Variants in ABCD3 observed in about 807,000 individuals in gnomAD.
ABCD3 encodes the protein ATP binding cassette subfamily D member 3.
ABCD3 carries 41 observed loss-of-function variants against 105.5 expected under a neutral mutation model. The ratio of observed to expected loss-of-function variants is 0.39; its 90% CI spans 0.30 to 0.50. ABCD3 has a LOEUF of 0.50. ABCD3 is among the 20% of genes least tolerant of loss of function. The pLI is 0.84. For missense variants in ABCD3, 622 were observed against 806.3 expected, an observed-to-expected ratio of 0.77 and a Z score of 2.77; for synonymous variants, 258 against 269.0, an observed-to-expected ratio of 0.96 and a Z score of 0.40.
chr1:94,423,749 T>C (rs993708944), intron 1 of ABCD3, among the ~76,000 whole-genome samples: 1 of 152,200 alleles, frequency 6.6e-6, no homozygotes, highest in African/African-American at 2.4e-5. Context: ...CTCAGCCCTG[T>C]TGCCTGCTGC....
intron 8 of ABCD3, chr1:94,478,561 A>C: frequency 6.3e-7 from 1 of 1,596,966 alleles, no homozygotes; most frequent in Non-Finnish European, 8.6e-7. Context: ...AAACCAGACA[A>C]ATGTATTGGC....
intron 1 of ABCD3, among the ~76,000 whole-genome samples, chr1:94,448,915 T>C (rs903231857): frequency 1.3e-5 from 2 of 152,220 alleles, no homozygotes; most frequent in Non-Finnish European, 2.9e-5. Flanking sequence ...ACACCCCATA[T>C]GCAATTGAAT....
At chr1:94,391,722 A>G in the ABCD3 span, among the ~76,000 whole-genome samples, 7 of 152,300 alleles carry the variant, frequency 4.6e-5, no homozygotes, top group East Asian at 1.4e-3. Context: ...CACATAATAC[A>G]TTCATTCTAA....
chr1:94,441,738 T>G (rs1345446653), intron 1 of ABCD3, among the ~76,000 whole-genome samples: 1 of 152,150 alleles, frequency 6.6e-6, no homozygotes, highest in Non-Finnish European at 1.5e-5. Flanking sequence ...TACAAAAGAC[T>G]AGATATGCTA....
Position 94,418,444 on chromosome 1 carries a change from CGT to C in ABCD3, c.-34_-33del. ...GTAGCCGCCGCCGCCGCCGCCGCCG[CGT>C]CCCCTCGCCGGCTCGCTGGTACCGG... On this transcript the variant is annotated 5_prime_UTR_variant, in exon 1 of 23. Coordinates refer to ENST00000370214, the MANE Select transcript of ABCD3 (RefSeq NM_002858.4). 5 of 1,553,790 alleles carry C rather than the reference CGT, an allele frequency of 3.2e-6. No individual in the cohort carries two copies. Among genetic ancestry groups the C allele is most frequent in the South Asian group, 1.1e-5 (1 of 87,044 alleles).
At chr1:94,460,753 T>C (rs371601770) in intron 2 of ABCD3, among the ~76,000 whole-genome samples, 37 of 152,214 alleles carry the variant, frequency 2.4e-4, no homozygotes, top group African/African-American at 8.9e-4. Flanking sequence ...TCAAGATTGT[T>C]GTTCTTTAGT....
intron 1 of ABCD3, among the ~76,000 whole-genome samples, chr1:94,449,749 A>ATC (rs138475481): frequency 0.22 from 33,415 of 152,160 alleles, 4,751 homozygotes; most frequent in Middle Eastern, 0.41. Flanking sequence ...CTTGAATTGC[A>ATC]TCTCTCAGTC....
chr1:94,402,966 A>G, the ABCD3 span, among the ~76,000 whole-genome samples: 8 of 76,424 alleles, frequency 1.0e-4, no homozygotes, highest in Non-Finnish European at 1.7e-4. Context: ...CCCCCACCCC[A>G]CAACAGTCCC....
the ABCD3 span, among the ~76,000 whole-genome samples, chr1:94,400,424 A>G: frequency 2.0e-5 from 3 of 152,190 alleles, no homozygotes; most frequent in African/African-American, 7.2e-5. Flanking sequence ...AAAAGAAAGA[A>G]AAAGGAAAGT....
intron 22 of ABCD3, among the ~76,000 whole-genome samples, chr1:94,516,276 A>G (rs1183047452): frequency 2.0e-5 from 3 of 151,960 alleles, no homozygotes; most frequent in African/African-American, 7.2e-5. Context: ...GGTAGCCTAT[A>G]TGAAAGTACT....
At chr1:94,448,105 T>G (rs1660427061) in intron 1 of ABCD3, among the ~76,000 whole-genome samples, 1 of 152,190 alleles carries the variant, frequency 6.6e-6, no homozygotes, top group Admixed American at 6.5e-5. Context: ...CTACTGGTGT[T>G]ATTGTCCACA....
intron 1 of ABCD3, among the ~76,000 whole-genome samples, chr1:94,451,709 T>A (rs1647267377): frequency 6.6e-6 from 1 of 152,222 alleles, no homozygotes; most frequent in African/African-American, 2.4e-5. Flanking sequence ...ATGTTTATAG[T>A]GAATCCAATT....
chr1:94,391,508 A>G, the ABCD3 span, among the ~76,000 whole-genome samples: 35 of 152,272 alleles, frequency 2.3e-4, no homozygotes, highest in African/African-American at 8.2e-4. Context: ...GACCTCTTCC[A>G]TTCCAGGTCC....
chr1:94,513,088 A>T (rs929322337), intron 21 of ABCD3, among the ~76,000 whole-genome samples: 3 of 152,058 alleles, frequency 2.0e-5, no homozygotes, highest in Non-Finnish European at 4.4e-5. Flanking sequence ...CACTGGCGTG[A>T]TGATGAAAGA....
At chr1:94,408,259 C>G in the ABCD3 span, among the ~76,000 whole-genome samples, 1 of 151,998 alleles carries the variant, frequency 6.6e-6, no homozygotes, top group African/African-American at 2.4e-5. Context: ...CAATATACAC[C>G]GGGATCAGGG....
intron 3 of ABCD3, among the ~76,000 whole-genome samples, chr1:94,467,136 A>T (rs1648178790): frequency 6.6e-6 from 1 of 152,156 alleles, no homozygotes; most frequent in Admixed American, 6.5e-5. Context: ...TGTTCTACTG[A>T]GAAGCTTGCG....
intron 1 of ABCD3, among the ~76,000 whole-genome samples, chr1:94,440,120 T>C (rs1425194450): frequency 6.6e-6 from 1 of 152,210 alleles, no homozygotes; most frequent in Non-Finnish European, 1.5e-5. Flanking sequence ...CTCACATGCT[T>C]TCATTGTCTG....
intron 22 of ABCD3, 30 bp downstream of exon 22, chr1:94,515,232 T>G: frequency 1.3e-6 from 2 of 1,546,542 alleles, no homozygotes; most frequent in Non-Finnish European, 1.8e-6. Flanking sequence ...AATGGTACAG[T>G]GAAATTTTAT....
At chr1:94,470,858 G>T (rs1350376239) in intron 4 of ABCD3, among the ~76,000 whole-genome samples, 1 of 151,820 alleles carries the variant, frequency 6.6e-6, no homozygotes, top group African/African-American at 2.4e-5. Flanking sequence ...CTTCTATATG[G>T]ATGTTCATTT....
Sources: gnomAD v4.1 joint callset for allele counts (sites outside exome capture counted in the v4.1 genomes callset) on GRCh38, gnomAD v4.1.1 for gene constraint, MANE v1.5 for transcripts, NCBI Gene and HGNC (gene_info 2026-07-23, HGNC 2026-07-21) for gene names.